The following RBMS3 variants were observed in gnomAD, a reference collection of about 807,000 sequenced individuals.
The protein encoded by RBMS3 is RNA-binding motif, single-stranded-interacting protein 3.
A neutral mutation model predicts 66.8 loss-of-function variants in RBMS3; 27 were observed. That is an observed-to-expected ratio of 0.40 (90% CI 0.30 to 0.56). The LOEUF (loss-of-function observed/expected upper bound fraction) is 0.56, where lower values mean the gene tolerates loss of function less well. Ranked by LOEUF, RBMS3 falls within the 20% of genes least tolerant of loss-of-function variation. RBMS3 has a pLI of 0.40. For missense variants in RBMS3, 513 were observed against 549.5 expected (o/e 0.93, Z 0.66); for synonymous variants, 188 against 183.0 (o/e 1.03, Z -0.22).
intron 2 of RBMS3, among the ~76,000 whole-genome samples, chr3:29,479,736 A>AT (rs1380509954): frequency 1.4e-4 from 22 of 152,156 alleles, no homozygotes; most frequent in African/African-American, 3.1e-4. Context: ...CAGCTTGGAA[A>AT]TTTTTTTATT....
At chr3:29,287,002 G>A (rs1185630049) in intron 1 of RBMS3, among the ~76,000 whole-genome samples, 1 of 152,096 alleles carries the variant, frequency 6.6e-6, no homozygotes, top group Non-Finnish European at 1.5e-5. Flanking sequence ...TCAAAAGCAT[G>A]TGAGAATAGA....
intron 3 of RBMS3, among the ~76,000 whole-genome samples, chr3:29,573,351 C>T (rs532820139): frequency 6.6e-6 from 1 of 152,230 alleles, no homozygotes; most frequent in African/African-American, 2.4e-5. Context: ...AATCTCCCAA[C>T]CTCTGGTGAT....
At chr3:29,890,512 C>A (rs1377506498) in intron 8 of RBMS3, among the ~76,000 whole-genome samples, 1 of 151,582 alleles carries the variant, frequency 6.6e-6, no homozygotes, top group East Asian at 1.9e-4. Flanking sequence ...CAGCTTACTC[C>A]AATCCAGTTA....
intron 1 of RBMS3, among the ~76,000 whole-genome samples, chr3:29,371,102 TAA>T (rs2038175585): frequency 6.6e-6 from 1 of 152,230 alleles, no homozygotes; most frequent in Non-Finnish European, 1.5e-5. Context: ...AACGCTGTGT[TAA>T]AAATTCCTTG....
chr3:29,842,601 T>C (rs2058687479), intron 6 of RBMS3, among the ~76,000 whole-genome samples: 1 of 152,204 alleles, frequency 6.6e-6, no homozygotes, highest in African/African-American at 2.4e-5. Context: ...GCTAGATAAT[T>C]GCATCCCAGA....
chr3:30,002,855 G>C (rs1244330962), intron 14 of RBMS3, among the ~76,000 whole-genome samples: 1 of 151,906 alleles, frequency 6.6e-6, no homozygotes, highest in East Asian at 1.9e-4. Context: ...CAGCTTTCCT[G>C]CAGGGTACAT....
chr3:29,927,677 C>T lies in RBMS3; in HGVS notation c.940-8409C>T, dbSNP rs568014000. 2.7e-4 allele frequency among the ~76,000 whole-genome samples: 41 copies of T among 152,144 alleles called. No individual in the cohort carries two copies. The South Asian group carries it at 5.0e-3, about 18-fold the overall frequency. On this transcript the variant is annotated intron_variant, in intron 10 of 14. Coordinates refer to ENST00000383767, the MANE Select transcript of RBMS3 (RefSeq NM_001003793.3). Reference sequence around the variant, plus strand: ...AAGACAGCAAGGGTAAGAGGTAAGACGGACAAGAGAATGATGAGGAATACA... The same window carrying T: ...AAGACAGCAAGGGTAAGAGGTAAGATGGACAAGAGAATGATGAGGAATACA...
At chr3:29,720,172 T>G (rs958901726) in intron 4 of RBMS3, among the ~76,000 whole-genome samples, 1 of 152,174 alleles carries the variant, frequency 6.6e-6, no homozygotes, top group Admixed American at 6.6e-5. Flanking sequence ...AGCTCTTTTT[T>G]GCCTGAGAAA....
intron 4 of RBMS3, among the ~76,000 whole-genome samples, chr3:29,696,756 G>C (rs1409914495): frequency 6.6e-6 from 1 of 152,116 alleles, no homozygotes; most frequent in East Asian, 1.9e-4. Context: ...TGGCGATCGG[G>C]ACAAGAGCAC....
At chr3:29,517,466 G>T (rs1432208658) in intron 3 of RBMS3, among the ~76,000 whole-genome samples, 1 of 151,906 alleles carries the variant, frequency 6.6e-6, no homozygotes, top group African/African-American at 2.4e-5. Flanking sequence ...AGGACTACAG[G>T]TGCCTGCCAC....
intron 1 of RBMS3, among the ~76,000 whole-genome samples, chr3:29,339,376 T>C (rs905776091): frequency 6.6e-6 from 1 of 152,214 alleles, no homozygotes; most frequent in African/African-American, 2.4e-5. Context: ...TGTGCTGGTC[T>C]GAGCACCAGG....
intron 6 of RBMS3, among the ~76,000 whole-genome samples, chr3:29,814,542 T>C (rs954480728): frequency 2.0e-5 from 3 of 152,168 alleles, no homozygotes; most frequent in African/African-American, 7.2e-5. Context: ...ATTGAAATAG[T>C]TTCAGAAGGA....
intron 2 of RBMS3, among the ~76,000 whole-genome samples, chr3:29,438,640 T>C (rs2041490720): frequency 6.6e-6 from 1 of 152,212 alleles, no homozygotes; most frequent in South Asian, 2.1e-4. Flanking sequence ...ACCTATGTTT[T>C]GGATGAATAC....
At chr3:29,358,595 A>G (rs1200597281) in intron 1 of RBMS3, among the ~76,000 whole-genome samples, 3 of 152,158 alleles carry the variant, frequency 2.0e-5, no homozygotes, top group Admixed American at 1.3e-4. Context: ...AGTCATTGGT[A>G]GCTTGATGGG....
rs142423238 is a variant in RBMS3, at chr3:29,874,599, G to A, written c.744+5635G>A. Reference sequence around the variant, plus strand: ...ATATGTGATCTTGAAAAGAGTTTTTGGCCATTATGATGCATGTTAGCACTT... The same window carrying A: ...ATATGTGATCTTGAAAAGAGTTTTTAGCCATTATGATGCATGTTAGCACTT... On this transcript the variant is annotated intron_variant, in intron 7 of 14. Coordinates refer to ENST00000383767, the MANE Select transcript of RBMS3 (RefSeq NM_001003793.3). Among the ~76,000 whole-genome samples, 4 of 152,198 alleles carry A rather than the reference G, an allele frequency of 2.6e-5. No individual in the cohort carries two copies. The East Asian group carries it at 7.7e-4, about 29-fold the overall frequency.
intron 6 of RBMS3, among the ~76,000 whole-genome samples, chr3:29,827,250 T>A (rs1312356885): frequency 6.6e-6 from 1 of 152,166 alleles, no homozygotes; most frequent in Admixed American, 6.6e-5. Context: ...TATGGATGCA[T>A]TCTAATTTGA....
At chr3:29,558,738 C>T (rs190475302) in intron 3 of RBMS3, among the ~76,000 whole-genome samples, 1 of 152,122 alleles carries the variant, frequency 6.6e-6, no homozygotes, top group Admixed American at 6.5e-5. Flanking sequence ...GTATAAGCAT[C>T]ACAACTATTT....
chr3:29,799,517 C>G (rs985700057), intron 6 of RBMS3, among the ~76,000 whole-genome samples: 2 of 152,116 alleles, frequency 1.3e-5, no homozygotes, highest in Non-Finnish European at 2.9e-5. Flanking sequence ...GACTTTTACT[C>G]CAAGTCAATT....
intron 3 of RBMS3, among the ~76,000 whole-genome samples, chr3:29,564,940 G>A (rs73046531): frequency 0.27 from 41,414 of 151,976 alleles, 7,012 homozygotes; most frequent in Non-Finnish European, 0.39. Flanking sequence ...CGAAGCTGTT[G>A]CTGCTTTGCT....
Sources: allele counts gnomAD v4.1 joint callset (sites outside exome capture counted in the v4.1 genomes callset), GRCh38; gene constraint gnomAD v4.1.1; transcripts MANE v1.5; gene names NCBI Gene and HGNC (gene_info 2026-07-23, HGNC 2026-07-21).